OCA2: variants seen among roughly 807,000 people sequenced by gnomAD.
OCA2 encodes P protein.
Under a neutral mutation model 100.2 loss-of-function variants are expected in OCA2, and 77 were observed. The observed-to-expected ratio is 0.77, with a 90% CI of 0.64 to 0.93. The LOEUF (loss-of-function observed/expected upper bound fraction) is 0.93, where lower values mean the gene tolerates loss of function less well. Ranked by LOEUF, OCA2 falls within the 40% of genes least tolerant of loss-of-function variation. OCA2 has a pLI of 0.00. For missense variants in OCA2, 1,062 were observed against 1,089.1 expected, an observed-to-expected ratio of 0.98 and a Z score of 0.35; for synonymous variants, 432 against 439.2, an observed-to-expected ratio of 0.98 and a Z score of 0.21.
rs146455340 is a variant in OCA2, at chr15:27,947,340, G to C, written c.1951+4444C>G. Among the ~76,000 whole-genome samples, 282 of 152,340 alleles carry C rather than the reference G, an allele frequency of 1.9e-3. 2 individuals are homozygous for C. The highest frequency in any genetic ancestry group is 6.6e-3 in the African/African-American group (274 of 41,582). On this transcript the variant is annotated intron_variant, in intron 18 of 23. Coordinates refer to ENST00000354638, the MANE Select transcript of OCA2 (RefSeq NM_000275.3). ...CAGAGCCAGCGCCCAGGCTGGGCTT[G>C]GTCTTGCTGTGCTGTGAGGTGATGG... is the stretch of plus-strand genomic sequence containing the variant.
intron 1 of OCA2, among the ~76,000 whole-genome samples, chr15:28,093,860 C>A (rs2044917001): frequency 6.6e-6 from 1 of 152,158 alleles, no homozygotes; most frequent in South Asian, 2.1e-4. Flanking sequence ...TACTCTGATT[C>A]CATGACTACA....
At chr15:28,093,305 C>T (rs1401614706) in intron 1 of OCA2, among the ~76,000 whole-genome samples, 4 of 151,824 alleles carry the variant, frequency 2.6e-5, no homozygotes, top group Non-Finnish European at 5.9e-5. Context: ...GCCTGTAATC[C>T]CAGCTACCGA....
At chr15:27,958,614 G>C (rs542111839) in intron 15 of OCA2, among the ~76,000 whole-genome samples, 1 of 152,326 alleles carries the variant, frequency 6.6e-6, no homozygotes, top group South Asian at 2.1e-4. Flanking sequence ...GACACCTTCT[G>C]ATAGAGAAGA....
At chr15:28,071,922 T>G (rs992495123) in intron 2 of OCA2, among the ~76,000 whole-genome samples, 2 of 152,170 alleles carry the variant, frequency 1.3e-5, no homozygotes, top group African/African-American at 4.8e-5. Flanking sequence ...TGGGACCTAA[T>G]TAAACTCAAG....
intron 2 of OCA2, among the ~76,000 whole-genome samples, chr15:28,059,771 G>A (rs996248298): frequency 3.3e-5 from 5 of 152,168 alleles, no homozygotes; most frequent in African/African-American, 9.7e-5. Context: ...GCTGGAACAC[G>A]CACTGGGTCA....
In OCA2 at chr15:27,791,773, G is replaced by A. The variant is rs374304173; in HGVS notation, c.2433-36301C>T. Reference sequence around the variant, plus strand: ...CCCAGCAGAGGGACTCTTGAGCAACGTACTAGACACACTACGGGGTTGCTT... The same window carrying A: ...CCCAGCAGAGGGACTCTTGAGCAACATACTAGACACACTACGGGGTTGCTT... On this transcript the variant is annotated intron_variant, in intron 23 of 23. Transcript: ENST00000354638. 3.9e-5 allele frequency among the ~76,000 whole-genome samples: 6 copies of A among 152,280 alleles called. No individual in the cohort carries two copies. The South Asian group carries it at 1.0e-3, about 26-fold the overall frequency.
chr15:27,943,671 TAAAAAAA>T (rs66644405), intron 18 of OCA2, among the ~76,000 whole-genome samples: 1 of 114,884 alleles, frequency 8.7e-6, no homozygotes, highest in Non-Finnish European at 1.9e-5. Context: ...AAGTATAATT[TAAAAAAA>T]AAAAAAAAAA....
At chr15:28,027,408 G>T (rs1210513773) in intron 4 of OCA2, among the ~76,000 whole-genome samples, 1 of 152,222 alleles carries the variant, frequency 6.6e-6, no homozygotes, top group Non-Finnish European at 1.5e-5. Flanking sequence ...CCAACGGATT[G>T]TAAGTTCTAA....
At chr15:28,067,831 C>G (rs957605386) in intron 2 of OCA2, among the ~76,000 whole-genome samples, 100 of 152,230 alleles carry the variant, frequency 6.6e-4, no homozygotes, top group Non-Finnish European at 7.8e-4. Context: ...GAGTGTTCTG[C>G]AGATGTCTAT....
At chr15:27,982,040 A>C (rs369012272) in intron 14 of OCA2, among the ~76,000 whole-genome samples, 1 of 151,092 alleles carries the variant, frequency 6.6e-6, no homozygotes, top group South Asian at 2.1e-4. Flanking sequence ...CCATTGTTCC[A>C]TGTGTTTTGT....
intron 21 of OCA2, among the ~76,000 whole-genome samples, chr15:27,857,038 C>T (rs1359134467): frequency 6.6e-6 from 1 of 152,016 alleles, no homozygotes; most frequent in Non-Finnish European, 1.5e-5. Flanking sequence ...AGAAATCATC[C>T]CTGAAGAAGT....
intron 23 of OCA2, among the ~76,000 whole-genome samples, chr15:27,793,016 C>A (rs960678034): frequency 6.6e-6 from 1 of 152,192 alleles, no homozygotes; most frequent in Non-Finnish European, 1.5e-5. Flanking sequence ...GGTCCAACAG[C>A]TCCCGGGCTG....
chr15:27,823,680 T>C (rs1461927988), intron 23 of OCA2, among the ~76,000 whole-genome samples: 1 of 152,148 alleles, frequency 6.6e-6, no homozygotes, highest in Non-Finnish European at 1.5e-5. Flanking sequence ...AACAACTTAT[T>C]CAATTAGCAA....
intron 2 of OCA2, among the ~76,000 whole-genome samples, chr15:28,081,056 G>A (rs1180895902): frequency 6.6e-6 from 1 of 152,058 alleles, no homozygotes; most frequent in Non-Finnish European, 1.5e-5. Flanking sequence ...GGTGCACATG[G>A]ACATAAAGAA....
intron 1 of OCA2, among the ~76,000 whole-genome samples, chr15:28,082,608 G>A (rs895619561): frequency 1.3e-5 from 2 of 152,166 alleles, no homozygotes; most frequent in Non-Finnish European, 2.9e-5. Flanking sequence ...ATTGGGAAAT[G>A]CTATGGATGT....
intron 21 of OCA2, among the ~76,000 whole-genome samples, chr15:27,863,068 G>A (rs1448093583): frequency 6.6e-6 from 1 of 152,122 alleles, no homozygotes; most frequent in Non-Finnish European, 1.5e-5. Flanking sequence ...AACCATCAGC[G>A]GGAGGCTGGC....
chr15:28,081,657 G>A lies in OCA2; in HGVS notation c.218C>T (p.Thr73Ile). The change falls in exon 2 of 24, where the codon ACA becomes ATA. Residue 73 changes from threonine to isoleucine, a missense_variant. Coordinates refer to ENST00000354638, the MANE Select transcript of OCA2 (RefSeq NM_000275.3). ...ACTATTTTAAACTCACCTCCCTTTTGTGAGGAATGAAGCAAACTCCTGGCC... is the reference window on the plus strand; with the variant it reads ...ACTATTTTAAACTCACCTCCCTTTTATGAGGAATGAAGCAAACTCCTGGCC... ...PAGQEFASFL[T>I]KGRSHSSLPQ... 6.2e-7 allele frequency: 1 copy of A among 1,613,670 alleles called. No individual in the cohort carries two copies. Among genetic ancestry groups the A allele is most frequent in the Non-Finnish European group, 8.5e-7 (1 of 1,179,938 alleles).
chr15:27,888,686 A>G (rs1021521017), intron 19 of OCA2, among the ~76,000 whole-genome samples: 1 of 152,212 alleles, frequency 6.6e-6, no homozygotes, highest in African/African-American at 2.4e-5. Flanking sequence ...ATCAATACAA[A>G]TTTTACAGCA....
rs377766646 is a variant in OCA2 at position 27,755,468 on chromosome 15, C to T, written c.2437G>A (p.Gly813Ser). 2.3e-5 allele frequency: 37 copies of T among 1,612,730 alleles called. No homozygotes were observed. In the South Asian group the frequency reaches 2.6e-4, roughly 11 times the overall value. The part of the protein sequence containing the change: ...GFSFMEFFRL[G>S]FPMMVVSCTV... The stretch of plus-strand genomic sequence containing the variant: ...CAGGACACAACCATCATTGGGAAGC[C>T]CAGCCTGAAATACAAAGAGAAATGA... The change falls in exon 24 of 24, where the codon GGC becomes AGC. Residue 813 changes from glycine to serine, a missense_variant. Coordinates refer to ENST00000354638, the MANE Select transcript of OCA2 (RefSeq NM_000275.3).
Sources: allele counts gnomAD v4.1 joint callset (sites outside exome capture counted in the v4.1 genomes callset), GRCh38; gene constraint gnomAD v4.1.1; transcripts MANE v1.5; gene names NCBI Gene and HGNC (gene_info 2026-07-23, HGNC 2026-07-21).